H4C5: variants seen among roughly 807,000 people sequenced by gnomAD.
H4C5 encodes the protein H4 clustered histone 5.
Under a neutral mutation model 5.3 loss-of-function variants are expected in H4C5, and 15 were observed. The ratio of observed to expected loss-of-function variants is 2.84; its 90% confidence interval spans 1.90 to 4.37. The LOEUF (loss-of-function observed/expected upper bound fraction) is 4.37, where lower values mean the gene tolerates loss of function less well. H4C5 is among the 30% of genes most tolerant of loss of function. The probability of loss-of-function intolerance (pLI) is 0.00; values close to 1 mark genes in which losing one functional copy is unlikely to be tolerated. For missense variants in H4C5, 153 were observed against 145.7 expected (o/e 1.05, Z -0.26); for synonymous variants, 154 against 56.9 (o/e 2.71, Z -7.68).
chr6:26,204,896 G>T lies in H4C5; in HGVS notation c.252G>T (p.Ala84=), dbSNP rs373087781. 16 of 1,614,008 alleles carry T rather than the reference G, an allele frequency of 9.9e-6. No homozygotes were observed. Among genetic ancestry groups the T allele is most frequent in the African/African-American group, 1.3e-5 (1 of 74,926 alleles). Residue 84 remains alanine (A), a synonymous_variant, in exon 1 of 1, where the codon GCG becomes GCT. Transcript: ENST00000615164. Reference sequence around the variant, plus strand: ...ACGCCAAACGCAAGACAGTGACAGCGATGGATGTGGTCTACGCGCTGAAGA... The same window carrying T: ...ACGCCAAACGCAAGACAGTGACAGCTATGGATGTGGTCTACGCGCTGAAGA... The part of the protein sequence containing the change: ...TEHAKRKTVT[A]MDVVYALKRQ...
Position 26,204,827 on chromosome 6 carries a change from G to C in H4C5, c.183G>C (p.Val61=). The C allele has an allele frequency of 6.2e-7, 1 of 1,614,186 alleles. No individual in the cohort carries two copies. The highest frequency in any genetic ancestry group is 1.3e-5 in the African/African-American group (1 of 75,052). The change falls in exon 1 of 1, where the codon GTG becomes GTC. Residue 61 remains valine (V), a synonymous_variant. Coordinates refer to ENST00000615164, the MANE Select transcript of H4C5 (RefSeq NM_003545.4). Reference sequence around the variant, plus strand: ...AGGAGACTCGCGGGGTTCTGAAGGTGTTTCTGGAAAACGTGATTCGTGATG... The same window carrying C: ...AGGAGACTCGCGGGGTTCTGAAGGTCTTTCTGGAAAACGTGATTCGTGATG... The part of the protein sequence containing the change: ...IYEETRGVLK[V]FLENVIRDAV...
Position 26,204,810 on chromosome 6 carries a change from C to T in H4C5, c.166C>T (p.Arg56Cys), listed in dbSNP as rs572454026. The change falls in exon 1 of 1, where the codon CGC (arginine) becomes TGC (cysteine). Residue 56 changes from arginine (R) to cysteine (C), a missense_variant. Transcript: ENST00000615164. ...TTCTGGTCTCATCTACGAGGAGACT[C>T]GCGGGGTTCTGAAGGTGTTTCTGGA... ...RISGLIYEET[R>C]GVLKVFLENV... 7 of 1,614,160 alleles carry T rather than the reference C, an allele frequency of 4.3e-6. No individual in the cohort carries two copies. Among genetic ancestry groups the T allele is most frequent in the South Asian group, 1.1e-5 (1 of 91,084 alleles).
rs75682828 is a variant in H4C5 at position 26,204,831 on chromosome 6, C to T, written c.187C>T (p.Leu63=). The change falls in exon 1 of 1, where the codon CTG becomes TTG. Residue 63 remains leucine (L), a synonymous_variant. Transcript: ENST00000615164. The stretch of plus-strand genomic sequence containing the variant: ...GACTCGCGGGGTTCTGAAGGTGTTT[C>T]TGGAAAACGTGATTCGTGATGCTGT... ...EETRGVLKVF[L]ENVIRDAVTY... 3.5e-3 allele frequency: 5,598 copies of T among 1,614,158 alleles called. 46 individuals are homozygous for T. Among genetic ancestry groups the T allele is most frequent in the South Asian group, 0.019 (1,690 of 91,074 alleles).
In H4C5 at chr6:26,204,716, A is replaced by G; in HGVS notation, c.72A>G (p.Arg24=). 1.2e-6 allele frequency: 2 copies of G among 1,614,186 alleles called. No individual in the cohort carries two copies. The highest frequency in any genetic ancestry group is 1.7e-6 in the Non-Finnish European group (2 of 1,180,020). ...GGAKRHRKVL[R]DNIQGITKPA... Reference sequence around the variant, plus strand: ...CTAAGCGTCACCGTAAGGTCCTGCGAGATAACATCCAGGGCATTACCAAGC... The same window carrying G: ...CTAAGCGTCACCGTAAGGTCCTGCGGGATAACATCCAGGGCATTACCAAGC... The change falls in exon 1 of 1, where the codon CGA becomes CGG. Residue 24 remains arginine, a synonymous_variant. Transcript: ENST00000615164.
chr6:26,204,695 G>A lies in H4C5; in HGVS notation c.51G>A (p.Lys17=), dbSNP rs770490166. 7.4e-6 allele frequency: 12 copies of A among 1,613,670 alleles called. No homozygotes were observed. Among genetic ancestry groups the A allele is most frequent in the Admixed American group, 3.3e-5 (2 of 59,988 alleles). Reference sequence around the variant, plus strand: ...AGGGACTGGGTAAAGGAGGCGCTAAGCGTCACCGTAAGGTCCTGCGAGATA... The same window carrying A: ...AGGGACTGGGTAAAGGAGGCGCTAAACGTCACCGTAAGGTCCTGCGAGATA... ...GGKGLGKGGA[K]RHRKVLRDNI... The change falls in exon 1 of 1, where the codon AAG becomes AAA. Residue 17 remains lysine, a synonymous_variant. Coordinates refer to ENST00000615164, the MANE Select transcript of H4C5 (RefSeq NM_003545.4).
In H4C5 at chr6:26,204,967, T is replaced by G. The variant is rs752083685; in HGVS notation, c.*11T>G. On this transcript the variant is annotated 3_prime_UTR_variant, in exon 1 of 1. Coordinates refer to ENST00000615164, the MANE Select transcript of H4C5 (RefSeq NM_003545.4). ...GGCTTCGGCGGCTAATGCTACCGCT[T>G]AAACGACTCAGCATCTCGACTTCCC... 3 of 1,594,268 alleles carry G rather than the reference T, an allele frequency of 1.9e-6. No homozygotes were observed. In the East Asian group the frequency reaches 6.8e-5, roughly 36 times the overall value.
Position 26,204,917 on chromosome 6 carries a change from G to T in H4C5, c.273G>T (p.Leu91=). The T allele has an allele frequency of 6.2e-7, 1 of 1,613,152 alleles. No homozygotes were observed. The highest frequency in any genetic ancestry group is 2.2e-5 in the East Asian group (1 of 44,844). Residue 91 remains leucine, a synonymous_variant, in exon 1 of 1, where the codon CTG becomes CTT. Coordinates refer to ENST00000615164, the MANE Select transcript of H4C5 (RefSeq NM_003545.4). ...CAGCGATGGATGTGGTCTACGCGCT[G>T]AAGAGACAGGGACGCACTCTTTACG... ...TVTAMDVVYA[L]KRQGRTLYGF... is the part of the protein sequence containing the mutation.
chr6:26,204,926 G>A lies in H4C5; in HGVS notation c.282G>A (p.Gln94=), dbSNP rs1765200261. 3.1e-6 allele frequency: 5 copies of A among 1,610,730 alleles called. No homozygotes were observed. The highest frequency in any genetic ancestry group is 1.3e-5 in the African/African-American group (1 of 74,850). The change falls in exon 1 of 1, where the codon CAG becomes CAA. Residue 94 remains glutamine, a synonymous_variant. Transcript: ENST00000615164. ...AMDVVYALKR[Q]GRTLYGFGG ...ATGTGGTCTACGCGCTGAAGAGACA[G>A]GGACGCACTCTTTACGGCTTCGGCG...
chr6:26,204,971 C>G lies in H4C5; in HGVS notation c.*15C>G, dbSNP rs757578213. 3.1e-6 allele frequency: 5 copies of G among 1,591,714 alleles called. No homozygotes were observed. Among genetic ancestry groups the G allele is most frequent in the East Asian group, 2.3e-5 (1 of 44,370 alleles). ...TCGGCGGCTAATGCTACCGCTTAAA[C>G]GACTCAGCATCTCGACTTCCCAAAT... On this transcript the variant is annotated 3_prime_UTR_variant, in exon 1 of 1. Transcript: ENST00000615164.
rs369555319 is a variant in H4C5, at chr6:26,204,800, C to T, written c.156C>T (p.Tyr52=). The T allele has an allele frequency of 4.0e-4, 650 of 1,614,044 alleles. 1 individual carries two copies. The highest frequency in any genetic ancestry group is 1.1e-4 in the East Asian group (5 of 44,898). ...GGVKRISGLI[Y]EETRGVLKVF... ...TCAAGCGCATTTCTGGTCTCATCTA[C>T]GAGGAGACTCGCGGGGTTCTGAAGG... The change falls in exon 1 of 1, where the codon TAC becomes TAT. Residue 52 remains tyrosine (Y), a synonymous_variant. Coordinates refer to ENST00000615164, the MANE Select transcript of H4C5 (RefSeq NM_003545.4).
At position 26,204,767 on chromosome 6, in the gene H4C5, C is replaced by A; in HGVS notation, c.123C>A (p.Arg41=). 1.2e-6 allele frequency: 2 copies of A among 1,614,122 alleles called. No individual in the cohort carries two copies. Among genetic ancestry groups the A allele is most frequent in the Non-Finnish European group, 1.7e-6 (2 of 1,180,018 alleles). The stretch of plus-strand genomic sequence containing the variant: ...CTGCCATCCGGCGCCTTGCTCGTCG[C>A]GGGGGTGTCAAGCGCATTTCTGGTC... ...TKPAIRRLAR[R]GGVKRISGLI... Residue 41 remains arginine, a synonymous_variant, in exon 1 of 1, where the codon CGC becomes CGA. Transcript: ENST00000615164.
At position 26,204,800 on chromosome 6, in the gene H4C5, CGA is replaced by C. The variant is rs1269506634; in HGVS notation, c.158_159del (p.Glu53GlyfsTer16). The C allele has an allele frequency of 6.2e-7, 1 of 1,614,162 alleles. No individual in the cohort carries two copies. Reference sequence around the variant, plus strand: ...TCAAGCGCATTTCTGGTCTCATCTACGAGGAGACTCGCGGGGTTCTGAAGGTG... The same window carrying C: ...TCAAGCGCATTTCTGGTCTCATCTACGGAGACTCGCGGGGTTCTGAAGGTG... ...GVKRISGLIY[E>X]ETRGVLKVFL... On this transcript the variant is annotated frameshift_variant, in exon 1 of 1. Coordinates refer to ENST00000615164, the MANE Select transcript of H4C5 (RefSeq NM_003545.4). LOFTEE classifies it high-confidence loss of function.
rs1200255305 is a variant in H4C5, at chr6:26,204,756, C to G, written c.112C>G (p.Leu38Val). Residue 38 changes from leucine (L) to valine (V), a missense_variant, in exon 1 of 1, where the codon CTT becomes GTT. Transcript: ENST00000615164. ...QGITKPAIRR[L>V]ARRGGVKRIS... ...CATTACCAAGCCTGCCATCCGGCGCCTTGCTCGTCGCGGGGGTGTCAAGCG... is the reference window on the plus strand; with the variant it reads ...CATTACCAAGCCTGCCATCCGGCGCGTTGCTCGTCGCGGGGGTGTCAAGCG... 2.5e-6 allele frequency: 4 copies of G among 1,614,192 alleles called. No individual in the cohort carries two copies. Among genetic ancestry groups the G allele is most frequent in the Non-Finnish European group, 1.7e-6 (2 of 1,180,040 alleles).
chr6:26,204,724 T>C lies in H4C5; in HGVS notation c.80T>C (p.Ile27Thr). The change falls in exon 1 of 1, where the codon ATC becomes ACC. Residue 27 changes from isoleucine to threonine, a missense_variant. Physicochemically the swap from Ile to Thr is moderately conservative, Grantham distance 89. Transcript: ENST00000615164. ...KRHRKVLRDN[I>T]QGITKPAIRR... ...CACCGTAAGGTCCTGCGAGATAACA[T>C]CCAGGGCATTACCAAGCCTGCCATC... is the stretch of plus-strand genomic sequence containing the variant. 1.2e-6 allele frequency: 2 copies of C among 1,613,768 alleles called. No individual in the cohort carries two copies. Among genetic ancestry groups the C allele is most frequent in the Non-Finnish European group, 1.7e-6 (2 of 1,179,848 alleles).
chr6:26,204,697 G>A lies in H4C5; in HGVS notation c.53G>A (p.Arg18His). The A allele has an allele frequency of 6.2e-7, 1 of 1,613,758 alleles. No individual in the cohort carries two copies. Among genetic ancestry groups the A allele is most frequent in the Non-Finnish European group, 8.5e-7 (1 of 1,179,686 alleles). ...GKGLGKGGAK[R>H]HRKVLRDNIQ... is the part of the protein sequence containing the mutation. ...GGACTGGGTAAAGGAGGCGCTAAGC[G>A]TCACCGTAAGGTCCTGCGAGATAAC... The change falls in exon 1 of 1, where the codon CGT becomes CAT. Residue 18 changes from arginine to histidine, a missense_variant. By Grantham distance (29) the Arg-to-His change is conservative. Transcript: ENST00000615164.
chr6:26,204,740 G>A lies in H4C5; in HGVS notation c.96G>A (p.Lys32=), dbSNP rs769118146. 5.6e-6 allele frequency: 9 copies of A among 1,614,180 alleles called. No individual in the cohort carries two copies. Among genetic ancestry groups the A allele is most frequent in the South Asian group, 4.4e-5 (4 of 91,074 alleles). ...GAGATAACATCCAGGGCATTACCAA[G>A]CCTGCCATCCGGCGCCTTGCTCGTC... ...VLRDNIQGIT[K]PAIRRLARRG... is the part of the protein sequence containing the mutation. Residue 32 remains lysine (K), a synonymous_variant, in exon 1 of 1, where the codon AAG becomes AAA. Transcript: ENST00000615164.
Position 26,204,764 on chromosome 6 carries a change from T to C in H4C5, c.120T>C (p.Arg40=), listed in dbSNP as rs1765193306. The change falls in exon 1 of 1, where the codon CGT becomes CGC. Residue 40 remains arginine (R), a synonymous_variant. Transcript: ENST00000615164. ...AGCCTGCCATCCGGCGCCTTGCTCG[T>C]CGCGGGGGTGTCAAGCGCATTTCTG... The part of the protein sequence containing the change: ...ITKPAIRRLA[R]RGGVKRISGL... The C allele has an allele frequency of 2.5e-6, 4 of 1,614,046 alleles. No individual in the cohort carries two copies. The highest frequency in any genetic ancestry group is 8.5e-7 in the Non-Finnish European group (1 of 1,180,034).
rs776543859 is a variant in H4C5 at position 26,204,866 on chromosome 6, G to A, written c.222G>A (p.Thr74=). The change falls in exon 1 of 1, where the codon ACG becomes ACA. Residue 74 remains threonine, a synonymous_variant. Transcript: ENST00000615164. ...ENVIRDAVTY[T]EHAKRKTVTA... ...TGATTCGTGATGCTGTGACTTACAC[G>A]GAGCACGCCAAACGCAAGACAGTGA... 3.2e-5 allele frequency: 52 copies of A among 1,614,038 alleles called. No homozygotes were observed. The highest frequency in any genetic ancestry group is 4.0e-5 in the African/African-American group (3 of 74,890).
rs376175670 is a variant in H4C5, at chr6:26,204,959, C to T, written c.*3C>T. The stretch of plus-strand genomic sequence containing the variant: ...CTCTTTACGGCTTCGGCGGCTAATG[C>T]TACCGCTTAAACGACTCAGCATCTC... On this transcript the variant is annotated 3_prime_UTR_variant, in exon 1 of 1. Transcript: ENST00000615164. The T allele has an allele frequency of 6.9e-6, 11 of 1,598,414 alleles. No individual in the cohort carries two copies. The highest frequency in any genetic ancestry group is 8.6e-6 in the Non-Finnish European group (10 of 1,167,184).
Sources: gnomAD v4.1 joint callset for allele counts on GRCh38, gnomAD v4.1.1 for gene constraint, MANE v1.5 for transcripts, NCBI Gene and HGNC (gene_info 2026-07-23, HGNC 2026-07-21) for gene names.